EMP2: variants seen among roughly 807,000 people sequenced by gnomAD.
EMP2 encodes the protein epithelial membrane protein 2.
In EMP2, 19 loss-of-function variants were observed where a neutral mutation model predicts 13.7. The ratio of observed to expected loss-of-function variants is 1.38; its 90% CI spans 0.97 to 2.03. The LOEUF is 2.03. Among genes scored for constraint, EMP2 ranks in the 30% most tolerant of loss-of-function variants. EMP2 has a pLI of 0.00. For synonymous variants in EMP2, 97 were observed against 84.7 expected (o/e 1.15, Z -0.80); for missense variants, 253 against 220.7 (o/e 1.15, Z -0.93).
At chr16:10,550,356 C>G (rs569022984) in intron 1 of EMP2, among the ~76,000 whole-genome samples, 1 of 152,324 alleles carries the variant, frequency 6.6e-6, no homozygotes, top group African/African-American at 2.4e-5. Context: ...TGATACACTG[C>G]ATTTTCGTTT....
rs2050597909 is a variant in EMP2, at chr16:10,531,164, G to A, written c.*1741C>T. On this transcript the variant is annotated 3_prime_UTR_variant, in exon 5 of 5. Transcript: ENST00000359543. ...TTTTGTTGTATTTTCGGTAGAGACG[G>A]GGTTTCACCATGTTGGCCAGGCTGG... 6.6e-6 allele frequency: 1 copy of A among 152,040 alleles called. No homozygotes were observed. The highest frequency in any genetic ancestry group is 1.9e-4 in the East Asian group (1 of 5,148). 9.4% of individuals were successfully genotyped at this position (152,040 alleles called of 1,614,324 possible).
At chr16:10,572,835 T>C (rs540977859) in intron 1 of EMP2, among the ~76,000 whole-genome samples, 35 of 152,282 alleles carry the variant, frequency 2.3e-4, no homozygotes, top group African/African-American at 6.7e-4. Context: ...ATGTTATTCA[T>C]GCCACAGTTA....
chr16:10,543,529 C>A, intron 3 of EMP2, 41 bp downstream of exon 3: 1 of 1,603,812 alleles, frequency 6.2e-7, no homozygotes, highest in Non-Finnish European at 8.5e-7. Flanking sequence ...GTTCCTTCCT[C>A]CCTCAGTGCT....
chr16:10,533,619 AC>A (rs1353409499), intron 4 of EMP2, among the ~76,000 whole-genome samples: 2 of 152,178 alleles, frequency 1.3e-5, no homozygotes, highest in African/African-American at 4.8e-5. Flanking sequence ...GCATGACACC[AC>A]CTATAGACAA....
At chr16:10,541,995 T>C (rs2050703244) in intron 3 of EMP2, among the ~76,000 whole-genome samples, 1 of 152,156 alleles carries the variant, frequency 6.6e-6, no homozygotes. Flanking sequence ...CTGAGTGTGG[T>C]GAGAATCTGG....
At chr16:10,535,003 G>A (rs182338166) in intron 4 of EMP2, among the ~76,000 whole-genome samples, 1 of 152,174 alleles carries the variant, frequency 6.6e-6, no homozygotes, top group Non-Finnish European at 1.5e-5. Context: ...CCCTGTCAGG[G>A]TTCCTTGATT....
chr16:10,562,336 T>TTCTCTCTCTCTC lies in EMP2; in HGVS notation c.-60-14671_-60-14660dup, dbSNP rs540802206. ...AAAGCCTCAAGAAGCCTCATGCATG[T>TTCTCTCTCTCTC]TCTCTCTCTCTCTCTCTCTCTCTCT... is the stretch of plus-strand genomic sequence containing the variant. On this transcript the variant is annotated intron_variant, in intron 1 of 4. Transcript: ENST00000359543. Among the ~76,000 whole-genome samples the TTCTCTCTCTCTC allele has an allele frequency of 3.7e-3, 456 of 124,156 alleles. 2 individuals are homozygous for TTCTCTCTCTCTC. Among genetic ancestry groups the TTCTCTCTCTCTC allele is most frequent in the Middle Eastern group, 7.8e-3 (2 of 256 alleles). 81.5% of individuals were successfully genotyped at this position (124,156 alleles called of 152,430 possible). A position where few individuals can be genotyped will look rare whatever the true frequency, so the allele number is the denominator to read the frequency against.
At chr16:10,560,641 C>T (rs55793254) in intron 1 of EMP2, among the ~76,000 whole-genome samples, 7,982 of 152,204 alleles carry the variant, frequency 0.052, 322 homozygotes, top group African/African-American at 0.11. Context: ...GGTGTGTAAA[C>T]GGACGGATAT....
At chr16:10,570,074 C>T (rs7190235) in intron 1 of EMP2, among the ~76,000 whole-genome samples, 72,307 of 152,004 alleles carry the variant, frequency 0.48, 18,628 homozygotes, top group South Asian at 0.63. Context: ...CGATGGTTAC[C>T]GGGGTGCCCT....
At chr16:10,576,949 T>C (rs760032098) in intron 1 of EMP2, among the ~76,000 whole-genome samples, 2 of 152,218 alleles carry the variant, frequency 1.3e-5, no homozygotes, top group African/African-American at 2.4e-5. Flanking sequence ...AGTGACCTAC[T>C]GCCTGAGCGG....
At chr16:10,557,076 G>T (rs1265523236) in intron 1 of EMP2, among the ~76,000 whole-genome samples, 2 of 152,172 alleles carry the variant, frequency 1.3e-5, no homozygotes, top group African/African-American at 4.8e-5. Flanking sequence ...CGTGCTTTAG[G>T]CTGGGTGCAG....
In EMP2 at chr16:10,532,968, C is replaced by A. The variant is rs1447141753; in HGVS notation, c.441G>T (p.Trp147Cys). Residue 147 changes from tryptophan to cysteine, a missense_variant, in exon 5 of 5, where the codon TGG (tryptophan) becomes TGT (cysteine). By Grantham distance (215) the Trp-to-Cys change is radical (BLOSUM62 -2). Coordinates refer to ENST00000359543, the MANE Select transcript of EMP2 (RefSeq NM_001424.6). ...GSYGYSYILAWVAFACTFISG... is the reference protein window; with the variant it reads ...GSYGYSYILACVAFACTFISG... ...TGATGAAGGTGCAGGCGAAGGCCACCCACGCCAGGATGTAGGAGTAGCCGT... is the reference window on the plus strand; with the variant it reads ...TGATGAAGGTGCAGGCGAAGGCCACACACGCCAGGATGTAGGAGTAGCCGT... 1.2e-6 allele frequency: 2 copies of A among 1,609,852 alleles called. No homozygotes were observed. The highest frequency in any genetic ancestry group is 8.5e-7 in the Non-Finnish European group (1 of 1,178,088).
chr16:10,561,649 C>T (rs962520364), intron 1 of EMP2, among the ~76,000 whole-genome samples: 10 of 152,184 alleles, frequency 6.6e-5, no homozygotes, highest in Non-Finnish European at 1.0e-4. Context: ...CTTCCTGCAG[C>T]ATCTCTCAGG....
Position 10,531,017 on chromosome 16 carries a change from G to C in EMP2, c.*1888C>G, listed in dbSNP as rs530685633. 1 of 152,352 alleles carries C rather than the reference G, an allele frequency of 6.6e-6. No individual in the cohort carries two copies. The highest frequency in any genetic ancestry group is 1.5e-5 in the Non-Finnish European group (1 of 68,060). 9.4% of individuals were successfully genotyped at this position (152,352 alleles called of 1,614,324 possible). A position where few individuals can be genotyped will look rare whatever the true frequency, so the allele number is the denominator to read the frequency against. On this transcript the variant is annotated 3_prime_UTR_variant, in exon 5 of 5. Coordinates refer to ENST00000359543, the MANE Select transcript of EMP2 (RefSeq NM_001424.6). ...AGACGGAGTCTCAGACTGTCGCCTG[G>C]GCTGGAGTGCAGTGGTGAATCTCGG...
At chr16:10,536,560 A>G (rs937451520) in intron 4 of EMP2, among the ~76,000 whole-genome samples, 1 of 152,112 alleles carries the variant, frequency 6.6e-6, no homozygotes, top group Non-Finnish European at 1.5e-5. Flanking sequence ...TTCCGCCATG[A>G]CTGTGAGGCC....
At chr16:10,541,419 G>A (rs1219890342) in intron 3 of EMP2, among the ~76,000 whole-genome samples, 1 of 152,182 alleles carries the variant, frequency 6.6e-6, no homozygotes, top group Non-Finnish European at 1.5e-5. Context: ...GTGTGTGTGT[G>A]TGTAAACAAC....
chr16:10,534,041 C>G lies in EMP2; in HGVS notation c.317-949G>C, dbSNP rs186952461. ...GAGGCAGGAGAATCGCTTTAACTCA[C>G]GAGGCAGAGGTTGCAGTGAGCCGAG... On this transcript the variant is annotated intron_variant, in intron 4 of 4. Transcript: ENST00000359543. Among the ~76,000 whole-genome samples, 978 of 151,600 alleles carry G rather than the reference C, an allele frequency of 6.5e-3. 60 individuals carry two copies. Among genetic ancestry groups the G allele is most frequent in the Admixed American group, 0.058 (879 of 15,206 alleles).
chr16:10,547,591 G>A lies in EMP2; in HGVS notation c.27C>T (p.Ile9=), dbSNP rs139264011. 316 of 1,614,186 alleles carry A rather than the reference G, an allele frequency of 2.0e-4. No homozygotes were observed. The African/African-American group carries it at 3.7e-3, about 19-fold the overall frequency. Reference sequence around the variant, plus strand: ...AGGCTGCAGAGGTGATGTGGAAGGCGATGATGAAAGCAAGAAGCACCAACA... The same window carrying A: ...AGGCTGCAGAGGTGATGTGGAAGGCAATGATGAAAGCAAGAAGCACCAACA... The part of the protein sequence containing the change: MLVLLAFI[I]AFHITSAALL... The change falls in exon 2 of 5, where the codon ATC becomes ATT. Residue 9 remains isoleucine (I), a synonymous_variant. Coordinates refer to ENST00000359543, the MANE Select transcript of EMP2 (RefSeq NM_001424.6).
intron 1 of EMP2, among the ~76,000 whole-genome samples, chr16:10,557,369 A>AC (rs2050838486): frequency 6.6e-6 from 1 of 151,512 alleles, no homozygotes; most frequent in Non-Finnish European, 1.5e-5. Context: ...AAAAAAAAAA[A>AC]AAACCCAGAA....
Sources: allele counts gnomAD v4.1 joint callset (sites outside exome capture counted in the v4.1 genomes callset), GRCh38; gene constraint gnomAD v4.1.1; transcripts MANE v1.5; gene names NCBI Gene and HGNC (gene_info 2026-07-23, HGNC 2026-07-21).